The following LRRK2 variants were observed in gnomAD, a reference collection of about 807,000 sequenced individuals.
LRRK2 encodes leucine-rich repeat serine/threonine-protein kinase 2.
LRRK2 carries 203 observed loss-of-function variants against 302.6 expected under a neutral mutation model. That is an observed-to-expected ratio of 0.67 (90% confidence interval 0.60 to 0.75). LRRK2 has a LOEUF of 0.75. LRRK2 is among the 30% of genes least tolerant of loss of function. The pLI is 0.00. For missense variants in LRRK2, 2,830 were observed against 2,951.0 expected (o/e 0.96, Z 0.95); for synonymous variants, 1,066 against 1,031.9 (o/e 1.03, Z -0.63).
chr12:40,269,803 C>T (rs1185641584), intron 14 of LRRK2, among the ~76,000 whole-genome samples: 1 of 152,036 alleles, frequency 6.6e-6, no homozygotes, highest in Non-Finnish European at 1.5e-5. Flanking sequence ...TGTATGTTGA[C>T]ACATTATGCA....
intron 39 of LRRK2, among the ~76,000 whole-genome samples, chr12:40,333,689 T>TATC (rs1945783351): frequency 1.3e-5 from 2 of 151,856 alleles, no homozygotes; most frequent in African/African-American, 4.8e-5. Flanking sequence ...TTTTTTTGAA[T>TATC]TGCAGAGAGA....
In LRRK2 at chr12:40,322,165, T is replaced by A; in HGVS notation, c.5301T>A (p.Val1767=). 1 of 1,612,204 alleles carries A rather than the reference T, an allele frequency of 6.2e-7. No homozygotes were observed. Among genetic ancestry groups the A allele is most frequent in the Non-Finnish European group, 8.5e-7 (1 of 1,178,882 alleles). Residue 1767 remains valine, a synonymous_variant, in exon 36 of 51, where the codon GTT becomes GTA. Transcript: ENST00000298910. ...CAGAGAGTTTCTTAAAAATTACAGT[T>A]CCTTCTTGTAGAAAAGGTAAGGAAA... ...NHPESFLKIT[V]PSCRKGCILL... is the part of the protein sequence containing the mutation.
intron 47 of LRRK2, among the ~76,000 whole-genome samples, chr12:40,361,570 T>C (rs1250619788): frequency 1.3e-5 from 2 of 152,050 alleles, no homozygotes; most frequent in Non-Finnish European, 2.9e-5. Context: ...GCCTCCAGTT[T>C]ATTTTTTTAT....
At chr12:40,262,972 C>T (rs1262655102) in intron 13 of LRRK2, among the ~76,000 whole-genome samples, 1 of 152,132 alleles carries the variant, frequency 6.6e-6, no homozygotes, top group African/African-American at 2.4e-5. Flanking sequence ...GCCTTCCTTA[C>T]CATAGTATTC....
chr12:40,302,052 C>T (rs1166112069), intron 25 of LRRK2, among the ~76,000 whole-genome samples: 1 of 151,980 alleles, frequency 6.6e-6, no homozygotes, highest in Non-Finnish European at 1.5e-5. Context: ...ATGGCACCTG[C>T]CTGTAATCCC....
Position 40,294,851 on chromosome 12 carries a change from A to AT in LRRK2, c.2820dup (p.Asp941Ter). 1 of 1,532,360 alleles carries AT rather than the reference A, an allele frequency of 6.5e-7. No homozygotes were observed. Among genetic ancestry groups the AT allele is most frequent in the Non-Finnish European group, 9.0e-7 (1 of 1,110,596 alleles). 94.9% of individuals were successfully genotyped at this position (1,532,360 alleles called of 1,614,324 possible). A position where few individuals can be genotyped will look rare whatever the true frequency, so the allele number is the denominator to read the frequency against. On this transcript the variant is annotated frameshift_variant, in exon 22 of 51. Transcript: ENST00000298910. LOFTEE classifies it high-confidence loss of function. ...ATAAATTATTTTTTAATAGGGGCCC[A>AT]TTTTTGATCATGAAGATTTACTGAA...
In LRRK2 at chr12:40,309,156, T is replaced by C; in HGVS notation, c.4240T>C (p.Leu1414=). The C allele has an allele frequency of 6.2e-7, 1 of 1,613,898 alleles. No homozygotes were observed. Among genetic ancestry groups the C allele is most frequent in the Non-Finnish European group, 8.5e-7 (1 of 1,179,854 alleles). Residue 1414 remains leucine (L), a synonymous_variant, in exon 30 of 51, where the codon TTG becomes CTG. Transcript: ENST00000298910. The part of the protein sequence containing the change: ...THPHFMTQRA[L]YLAVYDLSKG... ...TCCCCATTTTATGACGCAGCGAGCA[T>C]TGTACCTTGCTGTCTATGACCTCAG...
chr12:40,342,474 G>T (rs1946073168), intron 41 of LRRK2, among the ~76,000 whole-genome samples: 2 of 95,210 alleles, frequency 2.1e-5, no homozygotes, highest in Admixed American at 1.5e-4. Context: ...TTAGTACTTT[G>T]TAAGCTTTTT....
intron 21 of LRRK2, among the ~76,000 whole-genome samples, chr12:40,293,894 C>CATATATATATATATAT (rs1491426750): frequency 0.015 from 1,024 of 70,472 alleles, 23 homozygotes; most frequent in Middle Eastern, 0.024. Flanking sequence ...TTTTTTGGGG[C>CATATATATATATATAT]ACATATATAT....
intron 14 of LRRK2, among the ~76,000 whole-genome samples, chr12:40,270,584 G>A (rs1157586647): frequency 6.6e-6 from 1 of 151,804 alleles, no homozygotes; most frequent in Non-Finnish European, 1.5e-5. Context: ...CTGTGTTCTA[G>A]TACTGAATGT....
At chr12:40,257,870 A>AGT (rs1422059709) in intron 12 of LRRK2, among the ~76,000 whole-genome samples, 1 of 148,052 alleles carries the variant, frequency 6.8e-6, no homozygotes. Flanking sequence ...GCTGGCGGTT[A>AGT]GTGGCACAAC....
intron 11 of LRRK2, among the ~76,000 whole-genome samples, chr12:40,256,029 CAA>C (rs938690549): frequency 4.6e-5 from 7 of 152,230 alleles, no homozygotes; most frequent in African/African-American, 1.7e-4. Context: ...CTGCCACTTT[CAA>C]AGTGTTGAAT....
chr12:40,347,599 A>G (rs1267609158), intron 42 of LRRK2, among the ~76,000 whole-genome samples: 1 of 152,232 alleles, frequency 6.6e-6, no homozygotes, highest in African/African-American at 2.4e-5. Context: ...AAGAAAACTT[A>G]TTATTAATTG....
intron 40 of LRRK2, among the ~76,000 whole-genome samples, chr12:40,337,138 T>G (rs1945895986): frequency 6.6e-6 from 1 of 152,204 alleles, no homozygotes; most frequent in Non-Finnish European, 1.5e-5. Flanking sequence ...GCTATCAATC[T>G]TCTACCAGCA....
intron 46 of LRRK2, 99 bp from the exon 47 acceptor site, chr12:40,359,161 T>G: frequency 1.0e-6 from 1 of 1,004,626 alleles, no homozygotes; most frequent in Non-Finnish European, 1.5e-6. Context: ...CTCTAATCAT[T>G]TAAGATGGAA....
intron 20 of LRRK2, among the ~76,000 whole-genome samples, chr12:40,289,134 C>T (rs1443696381): frequency 1.3e-5 from 2 of 151,718 alleles, no homozygotes; most frequent in Admixed American, 6.6e-5. Context: ...GTATGGATAT[C>T]CAGTTGTTCC....
At position 40,306,520 on chromosome 12, in the gene LRRK2, G is replaced by A. The variant is rs1176719149; in HGVS notation, c.3959+554G>A. 3.3e-4 allele frequency among the ~76,000 whole-genome samples: 50 copies of A among 152,016 alleles called. 1 individual carries two copies. The highest frequency in any genetic ancestry group is 3.3e-3 in the Admixed American group (50 of 15,244). On this transcript the variant is annotated intron_variant, in intron 28 of 50. Transcript: ENST00000298910. The stretch of plus-strand genomic sequence containing the variant: ...AGCACTTTAAATATCTTTGGTAATG[G>A]ATTTTATCCTCCTTTTTGTTCCCTT...
chr12:40,299,351 G>A (rs1240378258), intron 25 of LRRK2, 94 bp downstream of exon 25: 10 of 1,365,068 alleles, frequency 7.3e-6, no homozygotes, highest in Admixed American at 3.5e-5. Context: ...TTTAAAAGTG[G>A]CATTTCAGTT....
chr12:40,240,380 C>T, intron 5 of LRRK2, 103 bp from the exon 6 acceptor site: 2 of 1,021,838 alleles, frequency 2.0e-6, no homozygotes, highest in Non-Finnish European at 3.0e-6. Context: ...GGAGATTACA[C>T]TTGATGTATC....
Sources: gnomAD v4.1 joint callset for allele counts (sites outside exome capture counted in the v4.1 genomes callset) on GRCh38, gnomAD v4.1.1 for gene constraint, MANE v1.5 for transcripts, NCBI Gene and HGNC (gene_info 2026-07-23, HGNC 2026-07-21) for gene names.